COG6: variants seen among roughly 807,000 people sequenced by gnomAD.
COG6 encodes conserved oligomeric Golgi complex subunit 6.
COG6 carries 74 observed loss-of-function variants against 88.8 expected under a neutral mutation model. The observed-to-expected ratio is 0.83, with a 90% CI of 0.69 to 1.01. The LOEUF (loss-of-function observed/expected upper bound fraction) is 1.01. COG6 is among the 50% of genes least tolerant of loss of function. The probability of loss-of-function intolerance (pLI) is 0.00; values close to 1 mark genes in which losing one functional copy is unlikely to be tolerated. For synonymous variants in COG6, 286 were observed against 278.7 expected (o/e 1.03, Z -0.26); for missense variants, 800 against 797.9 (o/e 1.00, Z -0.03).
chr13:39,767,069 A>G (rs1038080486), intron 18 of COG6, among the ~76,000 whole-genome samples: 2 of 152,154 alleles, frequency 1.3e-5, no homozygotes, highest in South Asian at 4.1e-4. Flanking sequence ...GGGCTGGGGT[A>G]TGGAACTCTA....
intron 13 of COG6, 60 bp downstream of exon 13, chr13:39,699,678 G>A (rs2138033319): frequency 1.2e-6 from 1 of 849,976 alleles, no homozygotes; most frequent in Non-Finnish European, 2.0e-6. Flanking sequence ...AGATGTTTTA[G>A]TGATTTTTGT....
chr13:39,684,800 TGTAA>T (rs1046942318), intron 8 of COG6, among the ~76,000 whole-genome samples: 104 of 152,304 alleles, frequency 6.8e-4, no homozygotes, highest in African/African-American at 2.3e-3. Flanking sequence ...TCTCAAATAA[TGTAA>T]GTATTATATA....
intron 13 of COG6, among the ~76,000 whole-genome samples, chr13:39,706,518 C>T (rs1184353767): frequency 6.6e-6 from 1 of 151,290 alleles, no homozygotes; most frequent in African/African-American, 2.4e-5. Flanking sequence ...TTTTATTTTT[C>T]TCTAGTAAAA....
chr13:39,712,167 A>G (rs1034749986), intron 13 of COG6, among the ~76,000 whole-genome samples: 1 of 151,996 alleles, frequency 6.6e-6, no homozygotes, highest in Non-Finnish European at 1.5e-5. Flanking sequence ...CCTGATGTGT[A>G]TCTTGCATTT....
In COG6 at chr13:39,682,207, T is replaced by G; in HGVS notation, c.731T>G (p.Val244Gly). The change falls in exon 8 of 19, where the codon GTA (valine) becomes GGA (glycine). Residue 244 changes from valine to glycine, a missense_variant. Physicochemically the swap from Val to Gly is moderately radical, Grantham distance 109 (BLOSUM62 -3). Transcript: ENST00000455146. ...CRTLTQESCD[V>G]SPVLTQAMEA... is the part of the protein sequence containing the mutation. The stretch of plus-strand genomic sequence containing the variant: ...ACATTGACACAAGAATCATGTGACG[T>G]ATCTCCAGTATTGACACAGGCAATG... 6.2e-7 allele frequency: 1 copy of G among 1,612,702 alleles called. No homozygotes were observed.
In COG6 at chr13:39,660,888, T is replaced by C; in HGVS notation, c.369+7T>C. On this transcript the variant is annotated splice_region_variant and intron_variant, in intron 3 of 18. Coordinates refer to ENST00000455146, the MANE Select transcript of COG6 (RefSeq NM_020751.3). ...TATGACAAGTCGCCTACAGGTATTA[T>C]ATAATGGCTAGATTTTGGCATAGTT... is the stretch of plus-strand genomic sequence containing the variant. The C allele has an allele frequency of 1.3e-6, 2 of 1,544,092 alleles. No homozygotes were observed. Among genetic ancestry groups the C allele is most frequent in the Non-Finnish European group, 8.9e-7 (1 of 1,117,654 alleles).
Position 39,751,191 on chromosome 13 carries a change from A to G in COG6, c.*98A>G. 1.9e-6 allele frequency: 3 copies of G among 1,539,260 alleles called. No individual in the cohort carries two copies. Among genetic ancestry groups the G allele is most frequent in the Non-Finnish European group, 2.6e-6 (3 of 1,143,116 alleles). ...TTTTACTCTATAATTTGATAGTTAC[A>G]GTTTTCTTTGTATCATAAGATTGTA... On this transcript the variant is annotated 3_prime_UTR_variant, in exon 19 of 19. Transcript: ENST00000455146.
intron 8 of COG6, among the ~76,000 whole-genome samples, chr13:39,687,290 G>T (rs1876704758): frequency 6.6e-6 from 1 of 151,990 alleles, no homozygotes; most frequent in African/African-American, 2.4e-5. Flanking sequence ...CTTAGGAGGG[G>T]TAAAAGTTTT....
intron 18 of COG6, among the ~76,000 whole-genome samples, chr13:39,782,582 C>G (rs952606302): frequency 1.3e-5 from 2 of 152,164 alleles, no homozygotes; most frequent in Non-Finnish European, 2.9e-5. Context: ...AAACCTCAAT[C>G]TCTCCTCATT....
chr13:39,694,792 T>C (rs1877173062), intron 12 of COG6, 67 bp downstream of exon 12: 7 of 890,032 alleles, frequency 7.9e-6, no homozygotes, highest in Non-Finnish European at 1.3e-5. Context: ...GAGCACAGTA[T>C]AAGATTTTTT....
chr13:39,667,991 T>C (rs1875375751), intron 4 of COG6, among the ~76,000 whole-genome samples: 1 of 152,222 alleles, frequency 6.6e-6, no homozygotes, highest in African/African-American at 2.4e-5. Context: ...CCCTTACAAT[T>C]TGAACAATTC....
Position 39,759,056 on chromosome 13 carries a change from C to G in COG6, c.1827-29279C>G, listed in dbSNP as rs548046805. 4.5e-4 allele frequency among the ~76,000 whole-genome samples: 68 copies of G among 152,090 alleles called. 1 individual carries two copies. Among genetic ancestry groups the G allele is most frequent in the African/African-American group, 1.6e-3 (68 of 41,506 alleles). On this transcript the variant is annotated intron_variant, in intron 18 of 18. Transcript: ENST00000416691. ...AGACATATAAGTAGATTAGCAGTTTCCAGGGGACAGGGAGAGGAACTGATC... is the reference window on the plus strand; with the variant it reads ...AGACATATAAGTAGATTAGCAGTTTGCAGGGGACAGGGAGAGGAACTGATC...
intron 8 of COG6, among the ~76,000 whole-genome samples, chr13:39,683,923 C>CTT (rs1876472105): frequency 6.6e-6 from 1 of 152,086 alleles, no homozygotes; most frequent in Non-Finnish European, 1.5e-5. Context: ...AGTCCGTGTA[C>CTT]CTTTATAAGC....
intron 13 of COG6, among the ~76,000 whole-genome samples, chr13:39,701,202 A>G (rs113350062): frequency 8.6e-5 from 13 of 151,992 alleles, no homozygotes; most frequent in Admixed American, 2.0e-4. Flanking sequence ...AATGTGGGTT[A>G]GTGAGAGGGA....
At chr13:39,775,299 G>A (rs1881432295) in intron 18 of COG6, among the ~76,000 whole-genome samples, 1 of 152,212 alleles carries the variant, frequency 6.6e-6, no homozygotes, top group African/African-American at 2.4e-5. Flanking sequence ...AAAAAGTGTA[G>A]AACAGTGGAG....
In COG6 at chr13:39,719,292, G is replaced by C. The variant is rs1456424557; in HGVS notation, c.1341G>C (p.Met447Ile). 1 of 1,612,830 alleles carries C rather than the reference G, an allele frequency of 6.2e-7. No homozygotes were observed. The highest frequency in any genetic ancestry group is 1.7e-5 in the Admixed American group (1 of 59,888). Residue 447 changes from methionine to isoleucine, a missense_variant, in exon 14 of 19, where the codon ATG becomes ATC. Met to Ile is a conservative substitution (Grantham distance 10). Transcript: ENST00000455146. ...GTTCTGCACTAAATCAGACACTCAT[G>C]TTGCTGCGTGAAGTTTTAGCATCTC... is the stretch of plus-strand genomic sequence containing the variant. ...GPSSALNQTLMLLREVLASHD... is the reference protein window; with the variant it reads ...GPSSALNQTLILLREVLASHD...
At chr13:39,716,429 G>A (rs1004689404) in intron 13 of COG6, among the ~76,000 whole-genome samples, 1 of 152,014 alleles carries the variant, frequency 6.6e-6, no homozygotes, top group African/African-American at 2.4e-5. Flanking sequence ...GGTACATGGT[G>A]TGGTTTTTCA....
chr13:39,678,149 C>G lies in COG6; in HGVS notation c.540+570C>G, dbSNP rs1024099225. The G allele has an allele frequency of 7.2e-6, 3 of 415,456 alleles. No homozygotes were observed. In the Admixed American group the frequency reaches 8.1e-5, roughly 11 times the overall value. 25.7% of individuals were successfully genotyped at this position (415,456 alleles called of 1,614,324 possible). On this transcript the variant is annotated intron_variant, in intron 5 of 18. Transcript: ENST00000455146. ...TAGCACGAACACAGCTCACTGCAGCCTCAACCTCCCAGGCTCAAGTGATCC... is the reference window on the plus strand; with the variant it reads ...TAGCACGAACACAGCTCACTGCAGCGTCAACCTCCCAGGCTCAAGTGATCC...
intron 13 of COG6, among the ~76,000 whole-genome samples, chr13:39,717,722 A>G (rs1878604673): frequency 6.6e-6 from 1 of 152,004 alleles, no homozygotes; most frequent in South Asian, 2.1e-4. Context: ...AAAATTAGCG[A>G]GGCTTGGTGG....
Sources: gnomAD v4.1 joint callset for allele counts (sites outside exome capture counted in the v4.1 genomes callset) on GRCh38, gnomAD v4.1.1 for gene constraint, MANE v1.5 for transcripts, NCBI Gene and HGNC (gene_info 2026-07-23, HGNC 2026-07-21) for gene names.